Variants in FBLN1 observed in about 807,000 individuals in gnomAD.
FBLN1 encodes the protein fibulin-1.
In FBLN1, 34 loss-of-function variants were observed where a neutral mutation model predicts 89.7. The ratio of observed to expected loss-of-function variants is 0.38; its 90% confidence interval spans 0.29 to 0.50. The LOEUF (loss-of-function observed/expected upper bound fraction) is 0.50, where lower values mean the gene tolerates loss of function less well. Ranked by LOEUF, FBLN1 falls within the 20% of genes least tolerant of loss-of-function variation. The probability of loss-of-function intolerance (pLI) is 0.92; values close to 1 mark genes in which losing one functional copy is unlikely to be tolerated. For synonymous variants in FBLN1, 393 were observed against 391.3 expected (o/e 1.00, Z -0.05); for missense variants, 777 against 988.1 (o/e 0.79, Z 2.86).
At position 45,550,677 on chromosome 22, in the gene FBLN1, C is replaced by A. The variant is rs2088690659; in HGVS notation, c.1697+62C>A. Reference sequence around the variant, plus strand: ...TGTTGGCCTTCCTGGTGACCCAGTTCCCGGGTGGGTGGGTTATCAGGCTGT... The same window carrying A: ...TGTTGGCCTTCCTGGTGACCCAGTTACCGGGTGGGTGGGTTATCAGGCTGT... On this transcript the variant is annotated intron_variant, in intron 14 of 16. Transcript: ENST00000327858. This position sits in a 1 kb window ranked among gnomAD's most constrained non-coding sequence, Gnocchi z 8.4. The A allele has an allele frequency of 6.2e-7, 1 of 1,612,102 alleles. No homozygotes were observed. The highest frequency in any genetic ancestry group is 8.5e-7 in the Non-Finnish European group (1 of 1,178,880).
rs920667119 is a variant in FBLN1, at chr22:45,574,919, C to G, written c.1840+266C>G. Among the ~76,000 whole-genome samples, 1 of 151,800 alleles carries G rather than the reference C, an allele frequency of 6.6e-6. No homozygotes were observed. Among genetic ancestry groups the G allele is most frequent in the Non-Finnish European group, 1.5e-5 (1 of 67,992 alleles). Reference sequence around the variant, plus strand: ...GCCTCAGCCTTCCGAGTAGCTGGGACTACAGGCGCCCGCCACCACGCCTGG... The same window carrying G: ...GCCTCAGCCTTCCGAGTAGCTGGGAGTACAGGCGCCCGCCACCACGCCTGG... On this transcript the variant is annotated intron_variant, in intron 15 of 16. Transcript: ENST00000327858. The surrounding 1 kb of genome is among the most constrained non-coding windows in gnomAD (Gnocchi z 4.1).
At chr22:45,504,622 G>A (rs1225797922) in intron 1 of FBLN1, among the ~76,000 whole-genome samples, 2 of 152,134 alleles carry the variant, frequency 1.3e-5, no homozygotes, top group Non-Finnish European at 2.9e-5. Flanking sequence ...GAGGGCCTGA[G>A]AGAAGGCGTG....
At chr22:45,560,515 G>C (rs1044384698) in intron 14 of FBLN1, among the ~76,000 whole-genome samples, 1 of 152,040 alleles carries the variant, frequency 6.6e-6, no homozygotes, top group Admixed American at 6.6e-5. Flanking sequence ...GCTCACAGTG[G>C]GCCATCTCTT....
chr22:45,518,866 C>T (rs2088208295), intron 2 of FBLN1, 79 bp downstream of exon 2: 2 of 1,283,572 alleles, frequency 1.6e-6, no homozygotes, highest in Non-Finnish European at 2.2e-6. Flanking sequence ...ACAGTGTGTG[C>T]CAGACCTCTC....
Position 45,533,859 on chromosome 22 carries a change from G to A in FBLN1, c.745G>A (p.Gly249Arg), listed in dbSNP as rs1370607020. Residue 249 changes from glycine (G) to arginine (R), a missense_variant, in exon 7 of 17, where the codon GGG (glycine) becomes AGG (arginine). By Grantham distance (125) the Gly-to-Arg change is moderately radical. Coordinates refer to ENST00000327858, the MANE Select transcript of FBLN1 (RefSeq NM_006486.3). ...SFRCQRDSSCGTGYELTEDNS... is the reference protein window; with the variant it reads ...SFRCQRDSSCRTGYELTEDNS... ...CCGCTGCCAGCGGGACAGCAGCTGC[G>A]GGACTGGCTATGAGCTCACAGAGGA... The A allele has an allele frequency of 5.6e-6, 9 of 1,613,974 alleles. No homozygotes were observed. Among genetic ancestry groups the A allele is most frequent in the African/African-American group, 1.3e-5 (1 of 74,936 alleles).
chr22:45,515,040 G>A (rs1172468050), intron 1 of FBLN1, among the ~76,000 whole-genome samples: 1 of 152,194 alleles, frequency 6.6e-6, no homozygotes, highest in East Asian at 1.9e-4. Context: ...AGCTTCCTCT[G>A]TTCTTAATTC....
intron 1 of FBLN1, among the ~76,000 whole-genome samples, chr22:45,513,154 A>G (rs1229742999): frequency 1.3e-5 from 2 of 152,182 alleles, no homozygotes; most frequent in African/African-American, 4.8e-5. Context: ...TTGATTGAAG[A>G]AGGCAAGTAA....
chr22:45,546,707 C>A (rs1281696635), intron 11 of FBLN1, among the ~76,000 whole-genome samples: 1 of 152,192 alleles, frequency 6.6e-6, no homozygotes, highest in Non-Finnish European at 1.5e-5. Flanking sequence ...TGGCCGAGGA[C>A]TTCCTTGTGT....
intron 4 of FBLN1, among the ~76,000 whole-genome samples, chr22:45,529,025 C>T (rs1789441834): frequency 6.6e-6 from 1 of 152,202 alleles, no homozygotes; most frequent in South Asian, 2.1e-4. Context: ...TTGGGTAGAG[C>T]ACCTGGCCCC....
rs971078042 is a variant in FBLN1, at chr22:45,574,990, G to T, written c.1840+337G>T. ...GTAAAGACGGGGTTTCACCGTGTTC[G>T]CCAGGATGGTCTCAATCTCCTGACC... On this transcript the variant is annotated intron_variant, in intron 15 of 16. Coordinates refer to ENST00000327858, the MANE Select transcript of FBLN1 (RefSeq NM_006486.3). This position sits in a 1 kb window ranked among gnomAD's most constrained non-coding sequence, Gnocchi z 4.1. Among the ~76,000 whole-genome samples the T allele has an allele frequency of 4.0e-5, 6 of 151,830 alleles. No individual in the cohort carries two copies. The highest frequency in any genetic ancestry group is 1.2e-4 in the African/African-American group (5 of 41,336).
chr22:45,521,908 C>T lies in FBLN1; in HGVS notation c.185+3121C>T, dbSNP rs191060730. Among the ~76,000 whole-genome samples, 16 of 152,268 alleles carry T rather than the reference C, an allele frequency of 1.1e-4. No homozygotes were observed. The East Asian group carries it at 2.5e-3, about 24-fold the overall frequency. On this transcript the variant is annotated intron_variant, in intron 2 of 16. Transcript: ENST00000327858. ...GAAATCAAATCTTATTTACAAGAAT[C>T]CTCTTAATAGTGATATTTAAAAGAT...
At chr22:45,586,653 C>G (rs1410820909) in intron 16 of FBLN1, among the ~76,000 whole-genome samples, 1 of 152,234 alleles carries the variant, frequency 6.6e-6, no homozygotes, top group East Asian at 1.9e-4. Context: ...CCCACGGACA[C>G]ATGCCTGAGC....
At chr22:45,534,662 A>T (rs136747) in intron 7 of FBLN1, among the ~76,000 whole-genome samples, 1 of 152,104 alleles carries the variant, frequency 6.6e-6, no homozygotes, top group Non-Finnish European at 1.5e-5. Context: ...CCCCACCCCC[A>T]CACACCAGCT....
chr22:45,546,056 A>C (rs1380965911), intron 11 of FBLN1, among the ~76,000 whole-genome samples: 1 of 152,174 alleles, frequency 6.6e-6, no homozygotes, highest in East Asian at 1.9e-4. Context: ...AGGCTGAGGC[A>C]GGAGAACTGC....
At position 45,506,907 on chromosome 22, in the gene FBLN1, A is replaced by AT. The variant is rs2088029229; in HGVS notation, c.79+3844dup. Among the ~76,000 whole-genome samples, 5 of 152,254 alleles carry AT rather than the reference A, an allele frequency of 3.3e-5. No homozygotes were observed. In the South Asian group the frequency reaches 6.2e-4, roughly 19 times the overall value. ...GAGGGCATGTAGTTATTTTGCCAGCATATTTTATACAACAAGATTTTCCTT... is the reference window on the plus strand; with the variant it reads ...GAGGGCATGTAGTTATTTTGCCAGCATTATTTTATACAACAAGATTTTCCTT... On this transcript the variant is annotated intron_variant, in intron 1 of 16. Coordinates refer to ENST00000327858, the MANE Select transcript of FBLN1 (RefSeq NM_006486.3).
intron 7 of FBLN1, among the ~76,000 whole-genome samples, chr22:45,534,377 C>T (rs1281237232): frequency 6.6e-6 from 1 of 151,068 alleles, no homozygotes; most frequent in Non-Finnish European, 1.5e-5. Context: ...CATCCAAATC[C>T]AGGCTTCCTT....
At position 45,533,043 on chromosome 22, in the gene FBLN1, C is replaced by A; in HGVS notation, c.545-20C>A. On this transcript the variant is annotated intron_variant, in intron 5 of 16. Transcript: ENST00000327858. ...TGCCTGGGTGCGTCCATCCCTGGCT[C>A]ATGCACGCTGTGCTTCCAGGAGGCG... 1 of 1,607,476 alleles carries A rather than the reference C, an allele frequency of 6.2e-7. No homozygotes were observed. The highest frequency in any genetic ancestry group is 1.1e-5 in the South Asian group (1 of 90,956).
rs2146929685 is a variant in FBLN1 at position 45,502,919 on chromosome 22, C to T, written c.-67C>T. 1 of 643,764 alleles carries T rather than the reference C, an allele frequency of 1.6e-6. No homozygotes were observed. Among genetic ancestry groups the T allele is most frequent in the Non-Finnish European group, 2.0e-6 (1 of 509,610 alleles). 39.9% of individuals were successfully genotyped at this position (643,764 alleles called of 1,614,324 possible). Reference sequence around the variant, plus strand: ...AGGCTCGGCCGGAGCGTGGAGCCCGCGCCGCTGCCCCAGGACCGCGCCCGC... The same window carrying T: ...AGGCTCGGCCGGAGCGTGGAGCCCGTGCCGCTGCCCCAGGACCGCGCCCGC... On this transcript the variant is annotated 5_prime_UTR_variant, in exon 1 of 17. Transcript: ENST00000327858.
chr22:45,515,230 C>T (rs2088153894), intron 1 of FBLN1, among the ~76,000 whole-genome samples: 1 of 152,166 alleles, frequency 6.6e-6, no homozygotes. Flanking sequence ...GCCTCTGCCT[C>T]GTCGCCATCC....
Sources: allele counts gnomAD v4.1 joint callset (sites outside exome capture counted in the v4.1 genomes callset), GRCh38; gene constraint gnomAD v4.1.1; non-coding constraint Gnocchi (gnomAD v3.1); transcripts MANE v1.5; gene names NCBI Gene and HGNC (gene_info 2026-07-23, HGNC 2026-07-21).